Variants in MTOR observed in about 807,000 individuals in gnomAD.
The protein encoded by MTOR is serine/threonine-protein kinase mTOR.
MTOR carries 70 observed loss-of-function variants against 319.8 expected under a neutral mutation model. The observed-to-expected ratio is 0.22, with a 90% confidence interval of 0.18 to 0.27. The LOEUF (loss-of-function observed/expected upper bound fraction) is 0.27. Ranked by LOEUF, MTOR falls within the 10% of genes least tolerant of loss-of-function variation. The pLI, the probability that MTOR is intolerant of heterozygous loss-of-function variation, is 1.00. For missense variants in MTOR, 1,890 were observed against 3,274.4 expected (o/e 0.58, Z 10.32); for synonymous variants, 1,183 against 1,211.4 (o/e 0.98, Z 0.49).
Position 11,129,931 on chromosome 1 carries a change from A to C in MTOR, c.5614-93T>G. The stretch of plus-strand genomic sequence containing the variant: ...AGCATACTAACTGTACCTACTTCAA[A>C]GGGTGGTTATAACAATTAAATCGGT... On this transcript the variant is annotated intron_variant, in intron 39 of 57. Transcript: ENST00000361445. The surrounding 1 kb of genome is among the most constrained non-coding windows in gnomAD (Gnocchi z 4.7). 1 of 1,060,926 alleles carries C rather than the reference A, an allele frequency of 9.4e-7. No individual in the cohort carries two copies. Among genetic ancestry groups the C allele is most frequent in the Non-Finnish European group, 1.4e-6 (1 of 700,324 alleles). 65.7% of individuals were successfully genotyped at this position (1,060,926 alleles called of 1,614,324 possible). A position where few individuals can be genotyped will look rare whatever the true frequency, so the allele number is the denominator to read the frequency against.
At chr1:11,113,982 C>T (rs1396301606) in intron 53 of MTOR, among the ~76,000 whole-genome samples, 3 of 152,120 alleles carry the variant, frequency 2.0e-5, no homozygotes, top group Non-Finnish European at 4.4e-5. Context: ...CTCTGTACTT[C>T]TCTCTTCTGC....
rs184545466 is a variant in MTOR at position 11,242,539 on chromosome 1, G to A, written c.1412+575C>T. ...AAAAAAAAAAAAGAATGAGTGGGGCGTATTAATTCACCACAGCAATCTTCG... is the reference window on the plus strand; with the variant it reads ...AAAAAAAAAAAAGAATGAGTGGGGCATATTAATTCACCACAGCAATCTTCG... On this transcript the variant is annotated intron_variant, in intron 9 of 57. Transcript: ENST00000361445. Among the ~76,000 whole-genome samples, 602 of 150,750 alleles carry A rather than the reference G, an allele frequency of 4.0e-3. 6 individuals are homozygous for A. Among genetic ancestry groups the A allele is most frequent in the African/African-American group, 0.014 (564 of 40,978 alleles).
chr1:11,210,931 A>T, intron 23 of MTOR, 25 bp from the exon 24 acceptor site: 2 of 1,424,426 alleles, frequency 1.4e-6, no homozygotes, highest in Non-Finnish European at 2.0e-6. Context: ...GGAAGAGATG[A>T]GAAACTATCA....
At chr1:11,203,301 CTGATT>C (rs962365902) in intron 26 of MTOR, among the ~76,000 whole-genome samples, 8 of 152,140 alleles carry the variant, frequency 5.3e-5, no homozygotes, top group African/African-American at 1.9e-4. Flanking sequence ...CCCAATTATC[CTGATT>C]TGTTTTATTA....
chr1:11,126,860 G>A, intron 45 of MTOR, 64 bp from the exon 46 acceptor site: 1 of 1,584,628 alleles, frequency 6.3e-7, no homozygotes, highest in Non-Finnish European at 8.6e-7. Context: ...CGCAATTTAA[G>A]TATTTTTCAG....
Position 11,232,466 on chromosome 1 carries a change from G to C in MTOR, c.2484C>G (p.Leu828=), listed in dbSNP as rs1371049737. Residue 828 remains leucine, a synonymous_variant, in exon 16 of 58, where the codon CTC becomes CTG. Coordinates refer to ENST00000361445, the MANE Select transcript of MTOR (RefSeq NM_004958.4). ...DELFIIIMDM[L]QDSSLLAKRQ... is the part of the protein sequence containing the mutation. The stretch of plus-strand genomic sequence containing the variant: ...TTTTGGCCAACAAAGAGGAATCCTG[G>C]AGCATGTCCATGATGATAATAAAAA... The C allele has an allele frequency of 6.2e-7, 1 of 1,613,846 alleles. No individual in the cohort carries two copies. The highest frequency in any genetic ancestry group is 1.7e-5 in the Admixed American group (1 of 59,986).
chr1:11,219,569 T>G (rs1021789420), intron 19 of MTOR, among the ~76,000 whole-genome samples: 1 of 152,200 alleles, frequency 6.6e-6, no homozygotes, highest in African/African-American at 2.4e-5. Context: ...GAAAGCCCAG[T>G]TGAATATGCT....
In MTOR at chr1:11,127,211, C is replaced by T; in HGVS notation, c.6217-67G>A. 6.3e-7 allele frequency: 1 copy of T among 1,597,822 alleles called. No homozygotes were observed. Among genetic ancestry groups the T allele is most frequent in the Non-Finnish European group, 8.5e-7 (1 of 1,172,536 alleles). ...CAACCAACCCAGGAGGCAAAATCCC[C>T]AGGCTGACTGCAGATATTCCTCAGG... On this transcript the variant is annotated intron_variant, in intron 44 of 57. Transcript: ENST00000361445. The surrounding 1 kb of genome is among the most constrained non-coding windows in gnomAD (Gnocchi z 5.5).
chr1:11,139,449 G>C lies in MTOR; in HGVS notation c.4999-14C>G. ...ATGAGCAAGAGCCTTAAAAATAAGA[G>C]AAACTGGGTTATAGACAGAACTGGA... On this transcript the variant is annotated splice_polypyrimidine_tract_variant and intron_variant, in intron 35 of 57. Coordinates refer to ENST00000361445, the MANE Select transcript of MTOR (RefSeq NM_004958.4). 6.2e-7 allele frequency: 1 copy of C among 1,614,014 alleles called. No homozygotes were observed. Among genetic ancestry groups the C allele is most frequent in the Non-Finnish European group, 8.5e-7 (1 of 1,179,980 alleles).
chr1:11,200,527 T>C (rs1645925703), intron 26 of MTOR, among the ~76,000 whole-genome samples: 1 of 152,206 alleles, frequency 6.6e-6, no homozygotes, highest in African/African-American at 2.4e-5. Context: ...TTCTGGTGAC[T>C]GTGCGGGGAA....
chr1:11,206,510 C>A (rs1313997318), intron 25 of MTOR, among the ~76,000 whole-genome samples: 1 of 152,210 alleles, frequency 6.6e-6, no homozygotes, highest in Non-Finnish European at 1.5e-5. Context: ...ATGGGGTTAT[C>A]ATGAAGATTA....
intron 19 of MTOR, among the ~76,000 whole-genome samples, chr1:11,221,425 T>G (rs1331580997): frequency 6.6e-6 from 1 of 152,120 alleles, no homozygotes; most frequent in Non-Finnish European, 1.5e-5. Flanking sequence ...AAACTACATT[T>G]AGTCATCTTA....
At chr1:11,139,188 T>G in intron 36 of MTOR, 116 bp downstream of exon 36, 1 of 1,367,266 alleles carries the variant, frequency 7.3e-7, no homozygotes, top group Non-Finnish European at 1.0e-6. Flanking sequence ...CTCCCTGACA[T>G]TGTGAGTAGG....
intron 28 of MTOR, among the ~76,000 whole-genome samples, chr1:11,169,941 G>A (rs930533675): frequency 2.6e-5 from 4 of 152,200 alleles, no homozygotes; most frequent in African/African-American, 4.8e-5. Flanking sequence ...GGAGACTTAA[G>A]TTAGGACTAG....
chr1:11,109,471 A>C lies in MTOR; in HGVS notation c.7448-101T>G. 1 of 1,268,910 alleles carries C rather than the reference A, an allele frequency of 7.9e-7. No homozygotes were observed. The highest frequency in any genetic ancestry group is 1.1e-6 in the Non-Finnish European group (1 of 881,542). The allele number at this position is 1,268,910 out of a possible 1,614,324, so 78.6% of individuals were successfully genotyped here. Reference sequence around the variant, plus strand: ...CAAATATTCACTTTTGTAAGTGTTAAGCAATCCTTCCTCTATGTCCGTCTT... The same window carrying C: ...CAAATATTCACTTTTGTAAGTGTTACGCAATCCTTCCTCTATGTCCGTCTT... On this transcript the variant is annotated intron_variant, in intron 55 of 57. Coordinates refer to ENST00000361445, the MANE Select transcript of MTOR (RefSeq NM_004958.4). The surrounding 1 kb of genome is among the most constrained non-coding windows in gnomAD (Gnocchi z 4.0).
intron 9 of MTOR, 138 bp downstream of exon 9, chr1:11,242,976 G>A: frequency 2.5e-6 from 2 of 785,584 alleles, no homozygotes; most frequent in Admixed American, 2.9e-5. Flanking sequence ...CTAAGGAAGG[G>A]CTGTTCTTCA....
rs989934415 is a variant in MTOR, at chr1:11,232,130, G to A, written c.2514+306C>T. On this transcript the variant is annotated intron_variant, in intron 16 of 57. Transcript: ENST00000361445. Reference sequence around the variant, plus strand: ...AAACTTCTGTTCCTTCATAGGCAGTGGCCAAGGCTTTCTTTTTCCCTCTGA... The same window carrying A: ...AAACTTCTGTTCCTTCATAGGCAGTAGCCAAGGCTTTCTTTTTCCCTCTGA... 3.9e-5 allele frequency among the ~76,000 whole-genome samples: 6 copies of A among 152,180 alleles called. No homozygotes were observed. In the South Asian group the frequency reaches 6.2e-4, roughly 16 times the overall value.
chr1:11,240,530 A>G lies in MTOR; in HGVS notation c.1559T>C (p.Val520Ala). Residue 520 changes from valine (V) to alanine (A), a missense_variant, in exon 11 of 58, where the codon GTG (valine) becomes GCG (alanine). Val to Ala is a moderately conservative substitution (Grantham distance 64). Transcript: ENST00000361445. ...AVGLSPALTAVLYDLSRQIPQ... is the reference protein window; with the variant it reads ...AVGLSPALTAALYDLSRQIPQ... ...AATCTGACGGCTCAGGTCGTAGAGC[A>G]CTGCAGTGAGGGCAGGGCTGAGGGG... 1 of 1,614,176 alleles carries G rather than the reference A, an allele frequency of 6.2e-7. No homozygotes were observed. The highest frequency in any genetic ancestry group is 8.5e-7 in the Non-Finnish European group (1 of 1,180,006).
At chr1:11,220,100 C>A (rs1329703207) in intron 19 of MTOR, among the ~76,000 whole-genome samples, 3 of 145,308 alleles carry the variant, frequency 2.1e-5, no homozygotes, top group Admixed American at 1.4e-4. Flanking sequence ...GACAAAATTC[C>A]AAAAAAGATA....
Sources: gnomAD v4.1 joint callset for allele counts (sites outside exome capture counted in the v4.1 genomes callset) on GRCh38, gnomAD v4.1.1 for gene constraint, Gnocchi (gnomAD v3.1) non-coding constraint, MANE v1.5 for transcripts, NCBI Gene and HGNC (gene_info 2026-07-23, HGNC 2026-07-21) for gene names.